The following ATXN10 variants were observed in gnomAD, a reference collection of about 807,000 sequenced individuals.
The protein encoded by ATXN10 is ataxin-10.
In ATXN10, 28 loss-of-function variants were observed where a neutral mutation model predicts 52.9. The observed-to-expected ratio is 0.53, with a 90% CI of 0.39 to 0.73. The LOEUF (loss-of-function observed/expected upper bound fraction) is 0.73. Among genes scored for constraint, ATXN10 ranks in the 30% least tolerant of loss-of-function variants. ATXN10 has a pLI of 0.00. For missense variants in ATXN10, 565 were observed against 577.0 expected (o/e 0.98, Z 0.21); for synonymous variants, 226 against 221.5 (o/e 1.02, Z -0.18).
At chr22:45,804,148 C>T (rs1928021598) in intron 9 of ATXN10, among the ~76,000 whole-genome samples, 1 of 152,200 alleles carries the variant, frequency 6.6e-6, no homozygotes, top group Non-Finnish European at 1.5e-5. Context: ...TCTCAGCTCC[C>T]TCCCTTCAGT....
chr22:45,821,483 T>C (rs1285818455), intron 10 of ATXN10, among the ~76,000 whole-genome samples: 5 of 152,124 alleles, frequency 3.3e-5, no homozygotes, highest in Non-Finnish European at 7.3e-5. Context: ...CTGCTAGGTT[T>C]CTGATGCAGA....
intron 9 of ATXN10, among the ~76,000 whole-genome samples, chr22:45,751,112 G>A (rs1416398640): frequency 6.7e-6 from 1 of 149,912 alleles, no homozygotes; most frequent in Non-Finnish European, 1.5e-5. Flanking sequence ...TGTATTTTTA[G>A]TAGAGACGGG....
chr22:45,724,343 A>G (rs573969842), intron 6 of ATXN10, among the ~76,000 whole-genome samples: 2 of 151,836 alleles, frequency 1.3e-5, no homozygotes, highest in Non-Finnish European at 2.9e-5. Flanking sequence ...GTTTTTTTTG[A>G]CTTTTTAATA....
chr22:45,814,986 A>G (rs551480317), intron 10 of ATXN10, among the ~76,000 whole-genome samples: 6 of 152,192 alleles, frequency 3.9e-5, no homozygotes, highest in Non-Finnish European at 8.8e-5. Context: ...TCCATGAAAC[A>G]AGTCCCTGGT....
rs1922729016 is a variant in ATXN10 at position 45,677,105 on chromosome 22, A to G, written c.116+4926A>G. ...CTGGAAATAGTGCTCTTCTGTAGTA[A>G]GTTTTCTATAGGGGAGATTGTATTT... On this transcript the variant is annotated intron_variant, in intron 1 of 11. Transcript: ENST00000252934. This position sits in a 1 kb window ranked among gnomAD's most constrained non-coding sequence, Gnocchi z 4.1. 6.6e-6 allele frequency: 1 copy of G among 152,228 alleles called. No individual in the cohort carries two copies. Among genetic ancestry groups the G allele is most frequent in the Non-Finnish European group, 1.5e-5 (1 of 68,042 alleles). 9.4% of individuals were successfully genotyped at this position (152,228 alleles called of 1,614,324 possible). A position where few individuals can be genotyped will look rare whatever the true frequency, so the allele number is the denominator to read the frequency against.
chr22:45,672,192 G>C lies in ATXN10; in HGVS notation c.116+13G>C. 6.6e-7 allele frequency: 1 copy of C among 1,524,920 alleles called. No individual in the cohort carries two copies. The allele number at this position is 1,524,920 out of a possible 1,614,324, so 94.5% of individuals were successfully genotyped here. Reference sequence around the variant, plus strand: ...AGCAGCGGAACCGGTAACGGGTCCGGCCGGGGGGCTGCCCCGGGCAGGGGA... The same window carrying C: ...AGCAGCGGAACCGGTAACGGGTCCGCCCGGGGGGCTGCCCCGGGCAGGGGA... On this transcript the variant is annotated intron_variant, in intron 1 of 11. Transcript: ENST00000252934.
At chr22:45,695,575 C>G (rs561705519) in intron 3 of ATXN10, among the ~76,000 whole-genome samples, 1 of 151,590 alleles carries the variant, frequency 6.6e-6, no homozygotes, top group Admixed American at 6.6e-5. Context: ...CTGCAACCAC[C>G]GCCTTCCCGC....
In ATXN10 at chr22:45,757,146, C is replaced by T. The variant is rs1173457798; in HGVS notation, c.1173+16608C>T. ...CTGGGGCTGGGGCTGTGGAGGCGGACGACTGGGGAGTCTGATGGGGAGGTG... is the reference window on the plus strand; with the variant it reads ...CTGGGGCTGGGGCTGTGGAGGCGGATGACTGGGGAGTCTGATGGGGAGGTG... On this transcript the variant is annotated intron_variant, in intron 9 of 11. Transcript: ENST00000252934. This position sits in a 1 kb window ranked among gnomAD's most constrained non-coding sequence, Gnocchi z 4.6. Among the ~76,000 whole-genome samples, 5 of 151,952 alleles carry T rather than the reference C, an allele frequency of 3.3e-5. No homozygotes were observed. In the South Asian group the frequency reaches 6.2e-4, roughly 19 times the overall value.
chr22:45,785,251 G>C (rs1402373464), intron 9 of ATXN10, among the ~76,000 whole-genome samples: 15 of 152,168 alleles, frequency 9.9e-5, no homozygotes, highest in Admixed American at 9.8e-4. Flanking sequence ...AAGTACATTA[G>C]AGATAAATTC....
chr22:45,718,446 C>T lies in ATXN10; in HGVS notation c.681C>T (p.Ser227=). The stretch of plus-strand genomic sequence containing the variant: ...TTATTACAGACCTCTTTCTGAAAAG[C>T]CCGGAATTGGTACAAGCCATGTTTC... ...FLIITDLFLK[S]PELVQAMFPK... Residue 227 remains serine, a synonymous_variant, in exon 6 of 12, where the codon AGC becomes AGT. Transcript: ENST00000252934. The surrounding 1 kb of genome is among the most constrained non-coding windows in gnomAD (Gnocchi z 4.4). The T allele has an allele frequency of 6.2e-7, 1 of 1,613,640 alleles. No homozygotes were observed. The highest frequency in any genetic ancestry group is 1.1e-5 in the South Asian group (1 of 91,076).
At chr22:45,768,123 C>T (rs1333051454) in intron 9 of ATXN10, among the ~76,000 whole-genome samples, 1 of 152,110 alleles carries the variant, frequency 6.6e-6, no homozygotes, top group Non-Finnish European at 1.5e-5. Flanking sequence ...TGCCTATTTC[C>T]TACCCTTATT....
At chr22:45,797,362 A>G (rs1337741643) in intron 9 of ATXN10, among the ~76,000 whole-genome samples, 1 of 152,252 alleles carries the variant, frequency 6.6e-6, no homozygotes, top group African/African-American at 2.4e-5. Context: ...AACATAGACT[A>G]TATTCTGTCT....
rs1015837068 is a variant in ATXN10 at position 45,786,948 on chromosome 22, T to TA, written c.1174-20003dup. Among the ~76,000 whole-genome samples, 3 of 151,982 alleles carry TA rather than the reference T, an allele frequency of 2.0e-5. No homozygotes were observed. The highest frequency in any genetic ancestry group is 3.8e-4 in the East Asian group (2 of 5,196). ...CAAAGGAAATAATCAGTGATGAGGT[T>TA]AAAAAAAATTGTCTATATGGATGCT... On this transcript the variant is annotated intron_variant, in intron 9 of 11. Transcript: ENST00000252934. The surrounding 1 kb of genome is among the most constrained non-coding windows in gnomAD (Gnocchi z 4.1).
rs893063837 is a variant in ATXN10, at chr22:45,727,422, G to C, written c.729-2003G>C. 6.6e-6 allele frequency among the ~76,000 whole-genome samples: 1 copy of C among 151,946 alleles called. No individual in the cohort carries two copies. Among genetic ancestry groups the C allele is most frequent in the Non-Finnish European group, 1.5e-5 (1 of 68,006 alleles). On this transcript the variant is annotated intron_variant, in intron 6 of 11. Transcript: ENST00000252934. The surrounding 1 kb of genome is among the most constrained non-coding windows in gnomAD (Gnocchi z 4.6). ...TGCCCAGGCTGGGGTGCAGTGGCAC[G>C]ATCTTGGCTTACTGTAACCTCTGCC... is the stretch of plus-strand genomic sequence containing the variant.
intron 9 of ATXN10, among the ~76,000 whole-genome samples, chr22:45,785,595 G>A (rs557879771): frequency 6.6e-6 from 1 of 152,350 alleles, no homozygotes; most frequent in African/African-American, 2.4e-5. Flanking sequence ...GACACCTTCT[G>A]TTTGCAGTAG....
At position 45,843,136 on chromosome 22, in the gene ATXN10, C is replaced by T. The variant is rs147304403; in HGVS notation, c.1383C>T (p.Gly461=). Reference sequence around the variant, plus strand: ...TGGGTTTTGAAGTTGAAAAGAAAGGCGAAAAGCTGATCCTGAAATCTACTA... The same window carrying T: ...TGGGTTTTGAAGTTGAAAAGAAAGGTGAAAAGCTGATCCTGAAATCTACTA... ...KKVGFEVEKK[G]EKLILKSTRD... is the part of the protein sequence containing the mutation. Residue 461 remains glycine, a synonymous_variant, in exon 11 of 12, where the codon GGC becomes GGT. Coordinates refer to ENST00000252934, the MANE Select transcript of ATXN10 (RefSeq NM_013236.4). The surrounding 1 kb of genome is among the most constrained non-coding windows in gnomAD (Gnocchi z 4.5). 7.4e-6 allele frequency: 12 copies of T among 1,613,888 alleles called. No homozygotes were observed. Among genetic ancestry groups the T allele is most frequent in the Admixed American group, 1.7e-5 (1 of 59,990 alleles).
chr22:45,740,758 A>G (rs1369072367), intron 9 of ATXN10: 17 of 288,258 alleles, frequency 5.9e-5, no homozygotes, highest in African/African-American at 3.3e-4. Context: ...GTGTGTGTAT[A>G]TATATATATG....
chr22:45,825,000 T>C lies in ATXN10; in HGVS notation c.1237+17978T>C, dbSNP rs985596248. ...GCTTGAATGGTAAAGTGGAGTTAAC[T>C]TCTGTCAATTTCAGCTCTAGCTCAG... On this transcript the variant is annotated intron_variant, in intron 10 of 11. Transcript: ENST00000252934. This position sits in a 1 kb window ranked among gnomAD's most constrained non-coding sequence, Gnocchi z 5.2. Among the ~76,000 whole-genome samples the C allele has an allele frequency of 6.6e-6, 1 of 152,224 alleles. No homozygotes were observed. The highest frequency in any genetic ancestry group is 1.5e-5 in the Non-Finnish European group (1 of 68,042).
intron 10 of ATXN10, among the ~76,000 whole-genome samples, chr22:45,807,725 AC>A (rs1478902602): frequency 6.6e-6 from 1 of 152,214 alleles, no homozygotes; most frequent in African/African-American, 2.4e-5. Context: ...GATAAAACCT[AC>A]TGTTTAATTT....
Sources: gnomAD v4.1 joint callset for allele counts (sites outside exome capture counted in the v4.1 genomes callset) on GRCh38, gnomAD v4.1.1 for gene constraint, Gnocchi (gnomAD v3.1) non-coding constraint, MANE v1.5 for transcripts, NCBI Gene and HGNC (gene_info 2026-07-23, HGNC 2026-07-21) for gene names.